Variants in DCBLD2 observed in about 807,000 individuals in gnomAD.
DCBLD2 encodes the protein discoidin, CUB and LCCL domain containing 2, also known as discoidin, CUB and LCCL domain-containing protein 2.
DCBLD2 carries 54 observed loss-of-function variants against 86.8 expected under a neutral mutation model. The observed-to-expected ratio is 0.62, with a 90% CI of 0.50 to 0.78. The LOEUF is 0.78. Ranked by LOEUF, DCBLD2 falls within the 30% of genes least tolerant of loss-of-function variation. The pLI, the probability that DCBLD2 is intolerant of heterozygous loss-of-function variation, is 0.00. For missense variants in DCBLD2, 908 were observed against 954.2 expected (o/e 0.95, Z 0.64); for synonymous variants, 354 against 341.3 (o/e 1.04, Z -0.41).
chr3:98,857,218 G>A (rs1043899713), intron 2 of DCBLD2, among the ~76,000 whole-genome samples: 1 of 152,132 alleles, frequency 6.6e-6, no homozygotes, highest in African/African-American at 2.4e-5. Flanking sequence ...TGGTCTCGCT[G>A]GCTTCAGGAG....
At position 98,799,333 on chromosome 3, in the gene DCBLD2, G is replaced by T. The variant is rs148319233; in HGVS notation, c.*39C>A. On this transcript the variant is annotated 3_prime_UTR_variant, in exon 16 of 16. Coordinates refer to ENST00000326840, the MANE Select transcript of DCBLD2 (RefSeq NM_080927.4). ...CTAATAATTAAAAAAAAAAGGCCAT[G>T]TGCTTTAAAACGATGCTTTGTAAAA... 1.3e-5 allele frequency: 19 copies of T among 1,519,752 alleles called. No homozygotes were observed. In the East Asian group the frequency reaches 3.9e-4, roughly 31 times the overall value. The allele number at this position is 1,519,752 out of a possible 1,614,324, so 94.1% of individuals were successfully genotyped here. A position where few individuals can be genotyped will look rare whatever the true frequency, so the allele number is the denominator to read the frequency against.
At chr3:98,876,085 T>C (rs1943363079) in intron 2 of DCBLD2, among the ~76,000 whole-genome samples, 1 of 151,952 alleles carries the variant, frequency 6.6e-6, no homozygotes, top group Non-Finnish European at 1.5e-5. Flanking sequence ...GTTTGCATGG[T>C]TGAAAAAAAG....
rs1942136183 is a variant in DCBLD2 at position 98,822,314 on chromosome 3, G to A, written c.744C>T (p.Asn248=). ...MAGVHAGVVS[N]TLGGQISVVI... ...CAACACTGATTTGGCCGCCCAACGT[G>A]TTTGACACTACTCCTGCATGCACAC... The change falls in exon 6 of 16, where the codon AAC becomes AAT. Residue 248 remains asparagine, a synonymous_variant. Transcript: ENST00000326840. The A allele has an allele frequency of 2.5e-6, 4 of 1,613,862 alleles. No homozygotes were observed. Among genetic ancestry groups the A allele is most frequent in the South Asian group, 1.1e-5 (1 of 91,080 alleles).
Position 98,849,533 on chromosome 3 carries a change from A to C in DCBLD2, c.499T>G (p.Leu167Val), listed in dbSNP as rs1942794651. The change falls in exon 3 of 16, where the codon TTG (leucine) becomes GTG (valine). Residue 167 changes from leucine (L) to valine (V), a missense_variant. This residue lies in a region of DCBLD2 where 294 missense variants were observed against 256.0 expected (regional missense o/e 1.15). Coordinates refer to ENST00000326840, the MANE Select transcript of DCBLD2 (RefSeq NM_080927.4). ...ACATGGATTCCACTCATGAACAGCA[A>C]TGTGATTTCATTGCCTTTTGATTCA... is the stretch of plus-strand genomic sequence containing the variant. ...SIESKGNEIT[L>V]LFMSGIHVSG... is the part of the protein sequence containing the mutation. 6.2e-7 allele frequency: 1 copy of C among 1,613,954 alleles called. No individual in the cohort carries two copies. The highest frequency in any genetic ancestry group is 8.5e-7 in the Non-Finnish European group (1 of 1,179,852).
intron 1 of DCBLD2, among the ~76,000 whole-genome samples, chr3:98,893,529 A>T (rs1943698442): frequency 6.6e-6 from 1 of 152,184 alleles, no homozygotes; most frequent in South Asian, 2.1e-4. Flanking sequence ...TTTTATTGCA[A>T]GGGTTAAAAA....
chr3:98,840,538 C>G (rs764540671), intron 3 of DCBLD2, among the ~76,000 whole-genome samples: 1 of 152,106 alleles, frequency 6.6e-6, no homozygotes, highest in African/African-American at 2.4e-5. Context: ...GCTCTGTCAC[C>G]GAGGCTAGAG....
chr3:98,882,924 T>C (rs749816942), intron 1 of DCBLD2, among the ~76,000 whole-genome samples: 6 of 152,216 alleles, frequency 3.9e-5, no homozygotes, highest in Non-Finnish European at 7.3e-5. Context: ...TATGATCCTT[T>C]GGGTATATGC....
At chr3:98,858,232 G>A (rs77561151) in intron 2 of DCBLD2, among the ~76,000 whole-genome samples, 4 of 152,332 alleles carry the variant, frequency 2.6e-5, no homozygotes, top group South Asian at 4.1e-4. Flanking sequence ...GGGGCCTGCC[G>A]AGCCCACACA....
Position 98,901,424 on chromosome 3 carries a change from G to GAGAACAAGAGGC in DCBLD2, c.-110_-99dup. The GAGAACAAGAGGC allele has an allele frequency of 8.4e-7, 1 of 1,194,624 alleles. No homozygotes were observed. The highest frequency in any genetic ancestry group is 1.1e-6 in the Non-Finnish European group (1 of 951,114). The allele number at this position is 1,194,624 out of a possible 1,614,324, so 74.0% of individuals were successfully genotyped here. A position where few individuals can be genotyped will look rare whatever the true frequency, so the allele number is the denominator to read the frequency against. On this transcript the variant is annotated 5_prime_UTR_variant, in exon 1 of 16. Coordinates refer to ENST00000326840, the MANE Select transcript of DCBLD2 (RefSeq NM_080927.4). Reference sequence around the variant, plus strand: ...GACCAGGAGACGGCGGCAGCGGCGGGAGAACAAGAGGCAGCCCTCGCCTCA... The same window carrying GAGAACAAGAGGC: ...GACCAGGAGACGGCGGCAGCGGCGGGAGAACAAGAGGCAGAACAAGAGGCAGCCCTCGCCTCA...
chr3:98,873,107 A>T lies in DCBLD2; in HGVS notation c.433+8433T>A, dbSNP rs1462824819. 2.6e-5 allele frequency among the ~76,000 whole-genome samples: 4 copies of T among 152,276 alleles called. No individual in the cohort carries two copies. In the East Asian group the frequency reaches 5.8e-4, roughly 22 times the overall value. On this transcript the variant is annotated intron_variant, in intron 2 of 15. Coordinates refer to ENST00000326840, the MANE Select transcript of DCBLD2 (RefSeq NM_080927.4). ...TGTCAAACAAAGGAGAATTCAAACT[A>T]AAAAGTAATATATGATGGGTAGGAA...
At chr3:98,818,096 G>C (rs544312794) in intron 8 of DCBLD2, among the ~76,000 whole-genome samples, 6 of 152,110 alleles carry the variant, frequency 3.9e-5, no homozygotes, top group African/African-American at 1.4e-4. Flanking sequence ...ATTATGGGTG[G>C]GCATTAATTA....
At position 98,800,637 on chromosome 3, in the gene DCBLD2, G is replaced by A. The variant is rs1822017; in HGVS notation, c.1800C>T (p.Ser600=). Reference sequence around the variant, plus strand: ...CTCTTGGACTCAGGTGATTAACTTCGCTGCTGCTATAGCGAACTGGGGTTT... The same window carrying A: ...CTCTTGGACTCAGGTGATTAACTTCACTGCTGCTATAGCGAACTGGGGTTT... ...HEETPVRYSS[S]EVNHLSPREV... Residue 600 remains serine (S), a synonymous_variant, in exon 15 of 16, where the codon AGC becomes AGT. Transcript: ENST00000326840. 252,556 of 1,613,578 alleles carry A rather than the reference G, an allele frequency of 0.16. 20,568 individuals are homozygous for A. Among genetic ancestry groups the A allele is most frequent in the African/African-American group, 0.25 (18,540 of 74,908 alleles).
intron 9 of DCBLD2, chr3:98,815,096 TAAAG>T (rs1442133925): frequency 6.6e-6 from 1 of 152,014 alleles, no homozygotes; most frequent in Non-Finnish European, 1.5e-5. Context: ...AAGAGAGCTA[TAAAG>T]ATAGAGTGAG....
At chr3:98,846,722 T>C (rs941170816) in intron 3 of DCBLD2, among the ~76,000 whole-genome samples, 38 of 152,202 alleles carry the variant, frequency 2.5e-4, no homozygotes, top group African/African-American at 8.4e-4. Flanking sequence ...AAATAGAATA[T>C]AGCCATTTGA....
intron 3 of DCBLD2, among the ~76,000 whole-genome samples, chr3:98,838,830 C>T (rs1286817832): frequency 3.9e-5 from 6 of 152,238 alleles, no homozygotes; most frequent in East Asian, 1.9e-4. Flanking sequence ...GGATCACTCG[C>T]GGTTAGGGGC....
Position 98,796,244 on chromosome 3 carries a change from A to G in DCBLD2, c.*3128T>C, listed in dbSNP as rs1192640589. The G allele has an allele frequency of 6.6e-6, 1 of 152,348 alleles. No individual in the cohort carries two copies. The highest frequency in any genetic ancestry group is 1.9e-4 in the East Asian group (1 of 5,174). The allele number at this position is 152,348 out of a possible 1,614,324, so 9.4% of individuals were successfully genotyped here. Reference sequence around the variant, plus strand: ...TTCCACTTTTCCCAGTGCCACACACACACACACAAAAACAAAACAAAACAA... The same window carrying G: ...TTCCACTTTTCCCAGTGCCACACACGCACACACAAAAACAAAACAAAACAA... On this transcript the variant is annotated 3_prime_UTR_variant, in exon 16 of 16. Coordinates refer to ENST00000326840, the MANE Select transcript of DCBLD2 (RefSeq NM_080927.4).
chr3:98,803,222 A>G (rs532263995), intron 13 of DCBLD2, among the ~76,000 whole-genome samples: 277 of 152,064 alleles, frequency 1.8e-3, no homozygotes, highest in Admixed American at 6.5e-3. Flanking sequence ...CTTTTATTTC[A>G]TTGAGCAGTG....
chr3:98,866,266 A>T (rs1943143704), intron 2 of DCBLD2, among the ~76,000 whole-genome samples: 1 of 152,152 alleles, frequency 6.6e-6, no homozygotes, highest in African/African-American at 2.4e-5. Context: ...CTAGTTCTAG[A>T]TCCCTGAGGA....
chr3:98,797,159 T>G lies in DCBLD2; in HGVS notation c.*2213A>C, dbSNP rs1009255667. Reference sequence around the variant, plus strand: ...CTTCATCTGGAAAGTAAAGTTTATATAAAAGTAGTAAAAACTAGATATTTT... The same window carrying G: ...CTTCATCTGGAAAGTAAAGTTTATAGAAAAGTAGTAAAAACTAGATATTTT... On this transcript the variant is annotated 3_prime_UTR_variant, in exon 16 of 16. Transcript: ENST00000326840. 5 of 151,112 alleles carry G rather than the reference T, an allele frequency of 3.3e-5. No individual in the cohort carries two copies. Among genetic ancestry groups the G allele is most frequent in the African/African-American group, 1.2e-4 (5 of 41,020 alleles). 9.4% of individuals were successfully genotyped at this position (151,112 alleles called of 1,614,324 possible).
Sources: allele counts gnomAD v4.1 joint callset (sites outside exome capture counted in the v4.1 genomes callset), GRCh38; gene constraint gnomAD v4.1.1; regional missense constraint gnomAD v4.1.1; transcripts MANE v1.5; gene names NCBI Gene and HGNC (gene_info 2026-07-23, HGNC 2026-07-21).